The following ADCK5 variants were observed in gnomAD, a reference collection of about 807,000 sequenced individuals.
ADCK5 encodes uncharacterized aarF domain-containing protein kinase 5.
Under a neutral mutation model 64.9 loss-of-function variants are expected in ADCK5, and 43 were observed. The ratio of observed to expected loss-of-function variants is 0.66; its 90% confidence interval spans 0.52 to 0.85. The LOEUF (loss-of-function observed/expected upper bound fraction) is 0.85. Among genes scored for constraint, ADCK5 ranks in the 40% least tolerant of loss-of-function variants. The pLI, the probability that ADCK5 is intolerant of heterozygous loss-of-function variation, is 0.00. For missense variants in ADCK5, 760 were observed against 810.5 expected (o/e 0.94, Z 0.76); for synonymous variants, 434 against 342.8 (o/e 1.27, Z -2.94).
Position 144,391,702 on chromosome 8 carries a change from G to A in ADCK5, c.921G>A (p.Lys307=), listed in dbSNP as rs1374538230. 1.9e-6 allele frequency: 3 copies of A among 1,539,636 alleles called. No homozygotes were observed. The East Asian group carries it at 7.3e-5, about 38-fold the overall frequency. Residue 307 remains lysine (K), a synonymous_variant, in exon 8 of 15, where the codon AAG becomes AAA. Transcript: ENST00000308860. ...TGGTGCCCCGCGTGCACTGGGACAA[G>A]TCCAGCAAGGTGGGCTGGGCCAGGC... ...YVVVPRVHWD[K]SSKRVLTADF... is the part of the protein sequence containing the mutation.
At chr8:144,383,268 G>T (rs1554858697) in intron 3 of ADCK5, 38 bp downstream of exon 3, 2 of 1,521,956 alleles carry the variant, frequency 1.3e-6, no homozygotes, top group African/African-American at 2.7e-5. Context: ...TTGCGGCGTG[G>T]CGGGCGGGGT....
intron 2 of ADCK5, among the ~76,000 whole-genome samples, chr8:144,379,870 C>T (rs1554857820): frequency 6.6e-6 from 1 of 152,130 alleles, no homozygotes; most frequent in East Asian, 1.9e-4. Context: ...TGGGTCTGAG[C>T]AGAAGGAAAG....
At chr8:144,380,313 C>T (rs1819551812) in intron 2 of ADCK5, among the ~76,000 whole-genome samples, 1 of 150,576 alleles carries the variant, frequency 6.6e-6, no homozygotes, top group South Asian at 2.1e-4. Flanking sequence ...GATGTGTGCT[C>T]AGGCACCTCC....
chr8:144,382,252 GTGC>G (rs1819705676), intron 2 of ADCK5, among the ~76,000 whole-genome samples: 1 of 152,086 alleles, frequency 6.6e-6, no homozygotes, highest in Admixed American at 6.5e-5. Context: ...AAACAGATGT[GTGC>G]TCAGGCACCT....
chr8:144,388,027 C>A (rs570138544), intron 3 of ADCK5, among the ~76,000 whole-genome samples: 2 of 152,032 alleles, frequency 1.3e-5, no homozygotes, highest in African/African-American at 4.8e-5. Flanking sequence ...CCACCACACC[C>A]GGCCTCCAAC....
In ADCK5 at chr8:144,393,033, G is replaced by A. The variant is rs146471243; in HGVS notation, c.1702G>A (p.Val568Met). ...TCGTGCTCTGGTCCACCTGAGCCTC[G>A]TGCCCCCAGCGGAGGAGCTCTACCA... ...LARALVHLSL[V>M]PPAEELYQYL... is the part of the protein sequence containing the mutation. Residue 568 changes from valine (V) to methionine (M), a missense_variant, in exon 15 of 15, where the codon GTG becomes ATG. By Grantham distance (21) the Val-to-Met change is conservative. Around this residue, in one of 2 missense-constraint regions of ADCK5, gnomAD observed 333 missense variants for 292.0 expected, o/e 1.14. Coordinates refer to ENST00000308860, the MANE Select transcript of ADCK5 (RefSeq NM_174922.5). The A allele has an allele frequency of 1.4e-5, 23 of 1,590,114 alleles. No individual in the cohort carries two copies. Among genetic ancestry groups the A allele is most frequent in the South Asian group, 6.8e-5 (6 of 88,062 alleles).
chr8:144,387,907 T>C (rs889921502), intron 3 of ADCK5, among the ~76,000 whole-genome samples: 5 of 151,622 alleles, frequency 3.3e-5, no homozygotes, highest in African/African-American at 1.2e-4. Flanking sequence ...TAATTTTGTA[T>C]TTTTTAGTAG....
At chr8:144,385,544 G>A (rs1819879138) in intron 3 of ADCK5, among the ~76,000 whole-genome samples, 1 of 151,614 alleles carries the variant, frequency 6.6e-6, no homozygotes, top group Admixed American at 6.5e-5. Context: ...TACTTTGAGA[G>A]GCTGAGGCAG....
upstream of ADCK5, among the ~76,000 whole-genome samples, chr8:144,373,444 T>G (rs1819233640): frequency 6.6e-6 from 1 of 152,222 alleles, no homozygotes. Context: ...CCTAGGGCAC[T>G]GCAGGAGGCT....
chr8:144,390,649 C>CTT (rs1820174827), intron 3 of ADCK5, 22 bp from the exon 4 acceptor site: 1 of 1,611,508 alleles, frequency 6.2e-7, no homozygotes, highest in African/African-American at 1.3e-5. Context: ...CCGCTGGAGA[C>CTT]TGAGGCCACC....
chr8:144,391,280 T>G lies in ADCK5; in HGVS notation c.684+6T>G. ...GCACCAGCGTGGCTGTGAAGGTATA[T>G]GGGGGCTGCCTTGTTCAGCAGTGGG... On this transcript the variant is annotated splice_donor_region_variant and intron_variant, in intron 6 of 14. Transcript: ENST00000308860. 4 of 1,612,406 alleles carry G rather than the reference T, an allele frequency of 2.5e-6. No homozygotes were observed. Among genetic ancestry groups the G allele is most frequent in the Non-Finnish European group, 3.4e-6 (4 of 1,180,002 alleles).
At chr8:144,382,041 C>G (rs1388410210) in intron 2 of ADCK5, among the ~76,000 whole-genome samples, 2 of 133,988 alleles carry the variant, frequency 1.5e-5, no homozygotes, top group African/African-American at 3.3e-5. Flanking sequence ...GATGTGTGCT[C>G]AGGCCCCTGC....
chr8:144,387,734 CTT>C (rs112315554), intron 3 of ADCK5, among the ~76,000 whole-genome samples: 16 of 142,122 alleles, frequency 1.1e-4, no homozygotes, highest in African/African-American at 1.5e-4. Context: ...CTCATTGATA[CTT>C]TTTTTTTTTT....
At chr8:144,388,155 C>T (rs1219324247) in intron 3 of ADCK5, among the ~76,000 whole-genome samples, 2 of 151,340 alleles carry the variant, frequency 1.3e-5, no homozygotes, top group Non-Finnish European at 2.9e-5. Context: ...GTCAGGAGTT[C>T]GAGACCAGCC....
At chr8:144,385,223 C>CA (rs1819861725) in intron 3 of ADCK5, among the ~76,000 whole-genome samples, 1 of 147,612 alleles carries the variant, frequency 6.8e-6, no homozygotes, top group South Asian at 2.2e-4. Flanking sequence ...CTTGCTCTGT[C>CA]ACCCAGGGTG....
chr8:144,383,403 G>C (rs554895467), intron 3 of ADCK5, among the ~76,000 whole-genome samples, 173 bp downstream of exon 3: 25 of 152,326 alleles, frequency 1.6e-4, no homozygotes, highest in African/African-American at 6.0e-4. Context: ...ACATGGGAAG[G>C]TGCTGGCTGA....
rs782222826 is a variant in ADCK5 at position 144,390,739 on chromosome 8, T to A, written c.335T>A (p.Val112Glu). The change falls in exon 4 of 15, where the codon GTG (valine) becomes GAG (glutamate). Residue 112 changes from valine (V) to glutamate (E), a missense_variant. By Grantham distance (121) the Val-to-Glu change is moderately radical. This residue lies in a region of ADCK5 where 427 missense variants were observed against 518.4 expected (regional missense o/e 0.82). Coordinates refer to ENST00000308860, the MANE Select transcript of ADCK5 (RefSeq NM_174922.5). ...WWCTNVVLRG[V>E]EENSPGYLEV... The stretch of plus-strand genomic sequence containing the variant: ...TGCACCAATGTTGTCCTTCGAGGGG[T>A]GGAAGAGGTTTGTCCTGGTGCCCTG... 16 of 1,613,310 alleles carry A rather than the reference T, an allele frequency of 9.9e-6. No individual in the cohort carries two copies. The highest frequency in any genetic ancestry group is 8.0e-5 in the African/African-American group (6 of 74,786).
At position 144,392,147 on chromosome 8, in the gene ADCK5, G is replaced by A; in HGVS notation, c.1152G>A (p.Gly384=). ...GKAELVLLDH[G]LYQFLEEKDR... is the part of the protein sequence containing the mutation. ...CGGAGCTGGTGCTGCTGGACCACGG[G>A]CTCTACCAGTTCCTGGAGGAGAAGT... The change falls in exon 11 of 15, where the codon GGG becomes GGA. Residue 384 remains glycine, a synonymous_variant. Coordinates refer to ENST00000308860, the MANE Select transcript of ADCK5 (RefSeq NM_174922.5). The A allele has an allele frequency of 1.3e-6, 2 of 1,597,944 alleles. No homozygotes were observed. Among genetic ancestry groups the A allele is most frequent in the Non-Finnish European group, 1.7e-6 (2 of 1,174,368 alleles).
At chr8:144,387,568 A>AT (rs1232858631) in intron 3 of ADCK5, among the ~76,000 whole-genome samples, 10 of 150,970 alleles carry the variant, frequency 6.6e-5, no homozygotes, top group South Asian at 2.1e-4. Context: ...CACCCAGCTA[A>AT]TTTTTTTTTA....
Sources: allele counts gnomAD v4.1 joint callset (sites outside exome capture counted in the v4.1 genomes callset), GRCh38; gene constraint gnomAD v4.1.1; regional missense constraint gnomAD v4.1.1; transcripts MANE v1.5; gene names NCBI Gene and HGNC (gene_info 2026-07-23, HGNC 2026-07-21).